Variants in ASCC3 observed in about 807,000 individuals in gnomAD.
ASCC3 encodes activating signal cointegrator 1 complex subunit 3, also known as ASC-1 complex subunit P200.
A neutral mutation model predicts 256.3 loss-of-function variants in ASCC3; 158 were observed. That is an observed-to-expected ratio of 0.62 (90% confidence interval 0.54 to 0.70). The LOEUF (loss-of-function observed/expected upper bound fraction) is 0.70. Among genes scored for constraint, ASCC3 ranks in the 30% least tolerant of loss-of-function variants. The pLI, the probability that ASCC3 is intolerant of heterozygous loss-of-function variation, is 0.00. For synonymous variants in ASCC3, 948 were observed against 883.4 expected, an observed-to-expected ratio of 1.07 and a Z score of -1.30; for missense variants, 2,259 against 2,626.0, an observed-to-expected ratio of 0.86 and a Z score of 3.05.
intron 36 of ASCC3, among the ~76,000 whole-genome samples, chr6:100,549,132 C>A (rs550801924): frequency 1.7e-3 from 261 of 151,952 alleles, no homozygotes; most frequent in African/African-American, 5.7e-3. Context: ...TAAGGGGGGA[C>A]TGCTGTATAC....
intron 34 of ASCC3, among the ~76,000 whole-genome samples, chr6:100,593,285 C>T (rs1772098644): frequency 6.6e-6 from 1 of 152,040 alleles, no homozygotes; most frequent in Admixed American, 6.6e-5. Flanking sequence ...AGCACATGGG[C>T]TACACAAGCT....
chr6:100,779,202 A>T (rs769490618), intron 8 of ASCC3, among the ~76,000 whole-genome samples: 7 of 152,164 alleles, frequency 4.6e-5, no homozygotes, highest in Non-Finnish European at 8.8e-5. Context: ...ATCAAGGAGA[A>T]TATGAAGCAA....
intron 14 of ASCC3, among the ~76,000 whole-genome samples, chr6:100,663,645 A>T (rs151640): frequency 3.3e-5 from 5 of 151,770 alleles, no homozygotes; most frequent in African/African-American, 9.7e-5. Context: ...TTTCAACTTA[A>T]GGGAATAAAA....
At chr6:100,555,217 T>C (rs867592726) in intron 36 of ASCC3, among the ~76,000 whole-genome samples, 1 of 152,060 alleles carries the variant, frequency 6.6e-6, no homozygotes, top group Admixed American at 6.6e-5. Context: ...ATGCACATAG[T>C]TTACTCCACT....
At chr6:100,852,799 A>C (rs926129653) in intron 3 of ASCC3, among the ~76,000 whole-genome samples, 8 of 152,188 alleles carry the variant, frequency 5.3e-5, no homozygotes, top group African/African-American at 1.9e-4. Flanking sequence ...AAAACACTGA[A>C]TAACATAAGC....
intron 30 of ASCC3, among the ~76,000 whole-genome samples, chr6:100,609,866 T>C (rs1278410310): frequency 6.6e-6 from 1 of 152,084 alleles, no homozygotes; most frequent in Non-Finnish European, 1.5e-5. Flanking sequence ...GTTTAGATCA[T>C]GCCAGTGCAT....
At chr6:100,563,570 C>T (rs1470872026) in intron 36 of ASCC3, among the ~76,000 whole-genome samples, 1 of 152,012 alleles carries the variant, frequency 6.6e-6, no homozygotes, top group Non-Finnish European at 1.5e-5. Flanking sequence ...GGGAAGGAGG[C>T]ATTCCTCGCA....
intron 8 of ASCC3, among the ~76,000 whole-genome samples, chr6:100,781,308 T>G (rs529286666): frequency 6.6e-6 from 1 of 152,194 alleles, no homozygotes; most frequent in African/African-American, 2.4e-5. Flanking sequence ...TCTATAGTTA[T>G]TCACTGAAGT....
At chr6:100,569,671 G>A (rs115580313) in intron 36 of ASCC3, among the ~76,000 whole-genome samples, 2,495 of 152,034 alleles carry the variant, frequency 0.016, 67 homozygotes, top group African/African-American at 0.057. Context: ...GGCGTGGCGC[G>A]GTCGGTTACT....
chr6:100,513,048 T>A, intron 39 of ASCC3, 130 bp from the exon 40 acceptor site: 1 of 812,442 alleles, frequency 1.2e-6, no homozygotes, highest in Non-Finnish European at 2.0e-6. Context: ...TCCAATGCAG[T>A]TGCAGGAAAT....
At chr6:100,540,532 T>G in intron 36 of ASCC3, 145 bp from the exon 37 acceptor site, 1 of 684,530 alleles carries the variant, frequency 1.5e-6, no homozygotes, top group South Asian at 1.8e-5. Flanking sequence ...ATATTATCAT[T>G]AATACACAAG....
At chr6:100,847,537 C>T (rs1163757824) in intron 4 of ASCC3, among the ~76,000 whole-genome samples, 2 of 152,092 alleles carry the variant, frequency 1.3e-5, no homozygotes, top group Non-Finnish European at 2.9e-5. Flanking sequence ...ATTTCCAATA[C>T]TCAATGTGAT....
intron 10 of ASCC3, among the ~76,000 whole-genome samples, chr6:100,733,259 T>C (rs1779991242): frequency 6.6e-6 from 1 of 152,168 alleles, no homozygotes; most frequent in African/African-American, 2.4e-5. Context: ...GGAGACCGAA[T>C]GACACAGTAT....
chr6:100,631,323 T>C (rs1774533138), intron 25 of ASCC3, 110 bp from the exon 26 acceptor site: 1 of 800,418 alleles, frequency 1.2e-6, no homozygotes, highest in Non-Finnish European at 2.1e-6. Flanking sequence ...GGTTTGAAAA[T>C]GTATCTTTTA....
At chr6:100,802,806 C>A (rs1013510323) in intron 5 of ASCC3, among the ~76,000 whole-genome samples, 6 of 151,506 alleles carry the variant, frequency 4.0e-5, no homozygotes, top group Admixed American at 1.3e-4. Flanking sequence ...TCAAGACTAC[C>A]CTGGGCAACA....
chr6:100,724,508 C>T (rs146179155), intron 11 of ASCC3, among the ~76,000 whole-genome samples: 47 of 151,568 alleles, frequency 3.1e-4, no homozygotes, highest in African/African-American at 1.0e-3. Context: ...AAAGACAGTG[C>T]CCACTGAGAG....
At chr6:100,545,280 C>A (rs915454734) in intron 36 of ASCC3, among the ~76,000 whole-genome samples, 1 of 151,962 alleles carries the variant, frequency 6.6e-6, no homozygotes, top group Admixed American at 6.6e-5. Context: ...CAGGTTCAAG[C>A]GCTTCTCTTG....
At chr6:100,844,267 T>G (rs540306010) in intron 4 of ASCC3, among the ~76,000 whole-genome samples, 1 of 151,380 alleles carries the variant, frequency 6.6e-6, no homozygotes, top group South Asian at 2.1e-4. Context: ...CTCAGTTTTT[T>G]TAACCTTTAT....
intron 30 of ASCC3, among the ~76,000 whole-genome samples, chr6:100,624,639 C>T (rs973540415): frequency 6.6e-6 from 1 of 151,778 alleles, no homozygotes; most frequent in African/African-American, 2.4e-5. Context: ...TTTTAGAACT[C>T]TATACTGAGA....
Sources: allele counts gnomAD v4.1 joint callset (sites outside exome capture counted in the v4.1 genomes callset), GRCh38; gene constraint gnomAD v4.1.1; transcripts MANE v1.5; gene names NCBI Gene and HGNC (gene_info 2026-07-23, HGNC 2026-07-21).